Variants in XKR4 observed in about 807,000 individuals in gnomAD.
XKR4 encodes the protein XK-related protein 4.
A neutral mutation model predicts 53.9 loss-of-function variants in XKR4; 12 were observed. The observed-to-expected ratio is 0.22, with a 90% CI of 0.14 to 0.36. XKR4 has a LOEUF of 0.36. Among genes scored for constraint, XKR4 ranks in the 10% least tolerant of loss-of-function variants. The probability of loss-of-function intolerance (pLI) is 1.00; values close to 1 mark genes in which losing one functional copy is unlikely to be tolerated. For missense variants in XKR4, 799 were observed against 859.5 expected, an observed-to-expected ratio of 0.93 and a Z score of 0.88; for synonymous variants, 354 against 362.4, an observed-to-expected ratio of 0.98 and a Z score of 0.26.
At chr8:55,452,985 C>T (rs1805478683) in intron 2 of XKR4, 2 of 698,636 alleles carry the variant, frequency 2.9e-6, no homozygotes, top group Non-Finnish European at 5.4e-6. Flanking sequence ...TGGCCACAGG[C>T]ACCACTGCTC....
At chr8:55,515,942 G>A (rs532584462) in intron 2 of XKR4, among the ~76,000 whole-genome samples, 14 of 152,300 alleles carry the variant, frequency 9.2e-5, no homozygotes, top group African/African-American at 3.4e-4. Flanking sequence ...GTTGGTGAAG[G>A]TAACCATACC....
intron 2 of XKR4, among the ~76,000 whole-genome samples, chr8:55,447,693 C>T (rs2129395747): frequency 6.6e-6 from 1 of 152,308 alleles, no homozygotes; most frequent in South Asian, 2.1e-4. Context: ...ACCAGCAGTT[C>T]TGTTAAAGAT....
intron 1 of XKR4, among the ~76,000 whole-genome samples, chr8:55,149,349 A>G (rs1381571464): frequency 6.6e-6 from 1 of 151,942 alleles, no homozygotes; most frequent in Non-Finnish European, 1.5e-5. Context: ...ATAATACTAG[A>G]GCTGCCTTAC....
At chr8:55,320,759 C>T (rs998103560) in intron 1 of XKR4, among the ~76,000 whole-genome samples, 1 of 152,056 alleles carries the variant, frequency 6.6e-6, no homozygotes, top group African/African-American at 2.4e-5. Context: ...AGTAGTAACC[C>T]TTTCTATAAA....
In XKR4 at chr8:55,464,015, A is replaced by G. The variant is rs186395595; in HGVS notation, c.1007-59266A>G. On this transcript the variant is annotated intron_variant, in intron 2 of 2. Coordinates refer to ENST00000327381, the MANE Select transcript of XKR4 (RefSeq NM_052898.2). Reference sequence around the variant, plus strand: ...TACCAACCAAAAAAAGTCCAGGACCAGATGGATTCACAGCAAAATTCTACC... The same window carrying G: ...TACCAACCAAAAAAAGTCCAGGACCGGATGGATTCACAGCAAAATTCTACC... Among the ~76,000 whole-genome samples, 8 of 152,310 alleles carry G rather than the reference A, an allele frequency of 5.3e-5. No homozygotes were observed. In the East Asian group the frequency reaches 1.3e-3, roughly 26 times the overall value.
At chr8:55,415,912 C>A (rs1804839965) in intron 2 of XKR4, among the ~76,000 whole-genome samples, 1 of 152,134 alleles carries the variant, frequency 6.6e-6, no homozygotes, top group Non-Finnish European at 1.5e-5. Flanking sequence ...TATGGATGCC[C>A]TCATTATTAT....
intron 2 of XKR4, among the ~76,000 whole-genome samples, chr8:55,503,068 T>C (rs1806469110): frequency 1.3e-5 from 2 of 152,210 alleles, no homozygotes; most frequent in African/African-American, 2.4e-5. Flanking sequence ...TTTGTCTGTC[T>C]TTCTGTCAGT....
chr8:55,294,923 C>T (rs1362072423), intron 1 of XKR4, among the ~76,000 whole-genome samples: 1 of 152,084 alleles, frequency 6.6e-6, no homozygotes, highest in Non-Finnish European at 1.5e-5. Context: ...CCAATGAATC[C>T]AGTGTCCCTT....
At chr8:55,353,198 T>C (rs1018298172) in intron 1 of XKR4, among the ~76,000 whole-genome samples, 19 of 152,186 alleles carry the variant, frequency 1.2e-4, no homozygotes, top group African/African-American at 4.3e-4. Flanking sequence ...CCCTTACAGA[T>C]ACTGAAGTCC....
At chr8:55,312,622 G>T (rs1819404526) in intron 1 of XKR4, among the ~76,000 whole-genome samples, 1 of 152,146 alleles carries the variant, frequency 6.6e-6, no homozygotes, top group Admixed American at 6.5e-5. Flanking sequence ...AATTCTTTAT[G>T]TTGGAATGTC....
chr8:55,243,840 G>A (rs144110753), intron 1 of XKR4, among the ~76,000 whole-genome samples: 545 of 152,286 alleles, frequency 3.6e-3, no homozygotes, highest in Admixed American at 6.0e-3. Flanking sequence ...GGAAGGTGAC[G>A]GTCGGATCTC....
chr8:55,164,567 C>T, intron 1 of XKR4: 2 of 397,098 alleles, frequency 5.0e-6, no homozygotes, highest in Admixed American at 5.7e-5. Context: ...TGCTTATGGG[C>T]AAAATGAATG....
intron 2 of XKR4, among the ~76,000 whole-genome samples, chr8:55,455,491 G>C (rs1262620579): frequency 6.6e-6 from 1 of 152,090 alleles, no homozygotes; most frequent in Non-Finnish European, 1.5e-5. Flanking sequence ...GAGGGGGCTG[G>C]CTCAATTGGG....
At chr8:55,382,946 G>A (rs964033853) in intron 2 of XKR4, among the ~76,000 whole-genome samples, 4 of 152,092 alleles carry the variant, frequency 2.6e-5, no homozygotes, top group African/African-American at 7.2e-5. Context: ...GACTGAGGCC[G>A]GGCGTGGTGT....
At chr8:55,237,366 A>G (rs953653507) in intron 1 of XKR4, among the ~76,000 whole-genome samples, 3 of 152,208 alleles carry the variant, frequency 2.0e-5, no homozygotes, top group Non-Finnish European at 4.4e-5. Context: ...TAATTTGTAC[A>G]TTGTATGTAT....
At chr8:55,414,364 G>A (rs995520550) in intron 2 of XKR4, among the ~76,000 whole-genome samples, 11 of 152,034 alleles carry the variant, frequency 7.2e-5, no homozygotes, top group African/African-American at 2.7e-4. Flanking sequence ...TAATAGCATT[G>A]AGTTTCTGTT....
chr8:55,140,437 G>T (rs986147733), intron 1 of XKR4, among the ~76,000 whole-genome samples: 1 of 152,180 alleles, frequency 6.6e-6, no homozygotes. Context: ...TGTTGCTGGG[G>T]TCCCACAGGG....
chr8:55,463,467 T>G (rs911009150), intron 2 of XKR4, among the ~76,000 whole-genome samples: 240 of 150,972 alleles, frequency 1.6e-3, no homozygotes, highest in African/African-American at 5.5e-3. Flanking sequence ...CTGGGACACA[T>G]TCAAAGCAGT....
At chr8:55,178,764 T>G (rs1208247739) in intron 1 of XKR4, among the ~76,000 whole-genome samples, 1 of 152,196 alleles carries the variant, frequency 6.6e-6, no homozygotes, top group Non-Finnish European at 1.5e-5. Context: ...GAAAAACCTT[T>G]TGGAACTCTT....
Sources: allele counts gnomAD v4.1 joint callset (sites outside exome capture counted in the v4.1 genomes callset), GRCh38; gene constraint gnomAD v4.1.1; transcripts MANE v1.5; gene names NCBI Gene and HGNC (gene_info 2026-07-23, HGNC 2026-07-21).